Variants in FNDC3B observed in about 807,000 individuals in gnomAD.
The protein encoded by FNDC3B is fibronectin type III domain-containing protein 3B.
FNDC3B carries 12 observed loss-of-function variants against 151.5 expected under a neutral mutation model. The observed-to-expected ratio is 0.08, with a 90% confidence interval of 0.05 to 0.13. The LOEUF (loss-of-function observed/expected upper bound fraction) is 0.13. Among genes scored for constraint, FNDC3B ranks in the 10% least tolerant of loss-of-function variants. The pLI, the probability that FNDC3B is intolerant of heterozygous loss-of-function variation, is 1.00. For missense variants in FNDC3B, 1,214 were observed against 1,505.3 expected (o/e 0.81, Z 3.20); for synonymous variants, 528 against 549.0 (o/e 0.96, Z 0.54).
chr3:172,068,707 G>A (rs1717627726), intron 1 of FNDC3B, among the ~76,000 whole-genome samples: 1 of 152,182 alleles, frequency 6.6e-6, no homozygotes, highest in Non-Finnish European at 1.5e-5. Context: ...TTACAGGCAT[G>A]AGCCACCGTG....
At chr3:172,317,668 T>G (rs1731879864) in intron 11 of FNDC3B, among the ~76,000 whole-genome samples, 1 of 152,234 alleles carries the variant, frequency 6.6e-6, no homozygotes, top group Admixed American at 6.5e-5. Flanking sequence ...AACAGCCGAT[T>G]CAGTGTAACG....
chr3:172,260,839 C>T (rs370435888), intron 6 of FNDC3B, among the ~76,000 whole-genome samples: 2 of 152,142 alleles, frequency 1.3e-5, no homozygotes, highest in East Asian at 3.9e-4. Context: ...TGGTTGAATT[C>T]TCTGTGTGAG....
At chr3:172,304,180 G>C (rs554347219) in intron 9 of FNDC3B, among the ~76,000 whole-genome samples, 2 of 152,168 alleles carry the variant, frequency 1.3e-5, no homozygotes, top group South Asian at 4.2e-4. Flanking sequence ...ATGGATTGCT[G>C]CCTCCAAGAA....
At chr3:172,397,071 C>A (rs966781610) in intron 25 of FNDC3B, 93 bp from the exon 26 acceptor site, 1 of 964,954 alleles carries the variant, frequency 1.0e-6, no homozygotes, top group African/African-American at 1.7e-5. Context: ...TGAATATAAA[C>A]CAAGAGTGAA....
At chr3:172,163,235 C>T (rs907928109) in intron 3 of FNDC3B, among the ~76,000 whole-genome samples, 2 of 151,706 alleles carry the variant, frequency 1.3e-5, no homozygotes, top group Admixed American at 6.6e-5. Flanking sequence ...CGTGCCACTG[C>T]ACTCCAGCCT....
At chr3:172,277,535 C>T (rs563617867) in intron 6 of FNDC3B, among the ~76,000 whole-genome samples, 122 of 152,240 alleles carry the variant, frequency 8.0e-4, no homozygotes, top group African/African-American at 2.3e-3. Context: ...CACTTTAGCG[C>T]GTAGGGTTTT....
chr3:172,156,075 G>T (rs969065614), intron 3 of FNDC3B, among the ~76,000 whole-genome samples: 2 of 152,186 alleles, frequency 1.3e-5, no homozygotes, highest in Admixed American at 6.5e-5. Context: ...GGCCATGTCA[G>T]TGGGGGGTGA....
intron 25 of FNDC3B, among the ~76,000 whole-genome samples, chr3:172,393,967 G>A (rs1355960488): frequency 2.0e-5 from 3 of 151,596 alleles, no homozygotes; most frequent in African/African-American, 4.8e-5. Flanking sequence ...AATTAGCTGG[G>A]TGTGGTGACG....
Position 172,040,259 on chromosome 3 carries a change from T to C in FNDC3B, c.-29+488T>C, listed in dbSNP as rs1333408178. Among the ~76,000 whole-genome samples, 1 of 151,150 alleles carries C rather than the reference T, an allele frequency of 6.6e-6. No individual in the cohort carries two copies. The highest frequency in any genetic ancestry group is 1.5e-5 in the Non-Finnish European group (1 of 67,736). On this transcript the variant is annotated intron_variant, in intron 1 of 25. Coordinates refer to ENST00000415807, the MANE Select transcript of FNDC3B (RefSeq NM_022763.4). This position sits in a 1 kb window ranked among gnomAD's most constrained non-coding sequence, Gnocchi z 6.6. ...CACTTTCTGAGGCTGTAGATTTCCA[T>C]ATGGTGGAGGGAAGAGGGCGGGAGT...
intron 2 of FNDC3B, among the ~76,000 whole-genome samples, chr3:172,119,727 G>A (rs1042909380): frequency 7.2e-5 from 11 of 152,198 alleles, no homozygotes; most frequent in African/African-American, 2.2e-4. Context: ...CTCTTTGCTT[G>A]AACTTCTGCT....
At chr3:172,223,807 C>A (rs1343629762) in intron 3 of FNDC3B, among the ~76,000 whole-genome samples, 1 of 152,040 alleles carries the variant, frequency 6.6e-6, no homozygotes, top group African/African-American at 2.4e-5. Context: ...AAAAAGCAAC[C>A]AAAACTATCT....
chr3:172,309,362 A>C lies in FNDC3B; in HGVS notation c.1201-1466A>C, dbSNP rs76714981. On this transcript the variant is annotated intron_variant, in intron 10 of 25. Transcript: ENST00000415807. ...AGGAGATAAGGCAAAACAAAAACCT[A>C]AGTCAGTGTACCCACCCTCAAGGAA... 3.1e-3 allele frequency among the ~76,000 whole-genome samples: 468 copies of C among 152,246 alleles called. 2 individuals are homozygous for C. The East Asian group carries it at 0.033, about 11-fold the overall frequency.
intron 9 of FNDC3B, among the ~76,000 whole-genome samples, chr3:172,299,675 G>A (rs574122633): frequency 1.2e-4 from 18 of 151,370 alleles, no homozygotes; most frequent in African/African-American, 4.4e-4. Flanking sequence ...AAAATTGTAA[G>A]CATGAAATAT....
chr3:172,133,264 C>G (rs1721197747), intron 2 of FNDC3B, among the ~76,000 whole-genome samples: 1 of 152,202 alleles, frequency 6.6e-6, no homozygotes, highest in South Asian at 2.1e-4. Flanking sequence ...GCATCATAAG[C>G]AACACAGGAG....
At chr3:172,267,185 T>G (rs2108798397) in intron 6 of FNDC3B, among the ~76,000 whole-genome samples, 1 of 151,568 alleles carries the variant, frequency 6.6e-6, no homozygotes, top group South Asian at 2.1e-4. Context: ...GAACAGGGTC[T>G]CACTCTGTCA....
intron 3 of FNDC3B, among the ~76,000 whole-genome samples, chr3:172,198,807 A>G (rs1724982350): frequency 6.6e-6 from 1 of 152,224 alleles, no homozygotes; most frequent in Non-Finnish European, 1.5e-5. Flanking sequence ...GAATAGGAAC[A>G]GGAAGAAGAA....
intron 3 of FNDC3B, among the ~76,000 whole-genome samples, chr3:172,202,493 T>C (rs1361932859): frequency 1.3e-5 from 2 of 152,218 alleles, no homozygotes; most frequent in East Asian, 3.8e-4. Context: ...TCCCGTCCCC[T>C]GTTAGATACT....
At chr3:172,326,707 T>G (rs1443730023) in intron 11 of FNDC3B, among the ~76,000 whole-genome samples, 1 of 152,220 alleles carries the variant, frequency 6.6e-6, no homozygotes, top group Non-Finnish European at 1.5e-5. Context: ...CTCTTAAAAG[T>G]CATTTCTCCC....
At chr3:172,049,955 T>G (rs1395500939) in intron 1 of FNDC3B, among the ~76,000 whole-genome samples, 1 of 152,244 alleles carries the variant, frequency 6.6e-6, no homozygotes, top group Non-Finnish European at 1.5e-5. Flanking sequence ...TTAGAATTCT[T>G]TAGTTCCTTA....
Sources: allele counts gnomAD v4.1 joint callset (sites outside exome capture counted in the v4.1 genomes callset), GRCh38; gene constraint gnomAD v4.1.1; non-coding constraint Gnocchi (gnomAD v3.1); transcripts MANE v1.5; gene names NCBI Gene and HGNC (gene_info 2026-07-23, HGNC 2026-07-21).